The following FBRSL1 variants were observed in gnomAD, a reference collection of about 807,000 sequenced individuals.
FBRSL1 encodes fibrosin-1-like protein.
FBRSL1 carries 51 observed loss-of-function variants against 89.6 expected under a neutral mutation model. The ratio of observed to expected loss-of-function variants is 0.57; its 90% CI spans 0.45 to 0.72. The LOEUF is 0.72. Among genes scored for constraint, FBRSL1 ranks in the 30% least tolerant of loss-of-function variants. The pLI is 0.00. For synonymous variants in FBRSL1, 779 were observed against 681.1 expected, an observed-to-expected ratio of 1.14 and a Z score of -2.24; for missense variants, 1,618 against 1,451.8, an observed-to-expected ratio of 1.11 and a Z score of -1.86.
At chr12:132,507,083 A>G (rs2033777200) in intron 1 of FBRSL1, 1 of 524,220 alleles carries the variant, frequency 1.9e-6, no homozygotes, top group Admixed American at 6.4e-5. Context: ...AGGGACAGCC[A>G]AGGTCCTTCT....
chr12:132,514,655 G>A (rs556043273), intron 2 of FBRSL1, among the ~76,000 whole-genome samples: 26 of 152,144 alleles, frequency 1.7e-4, no homozygotes, highest in Non-Finnish European at 3.1e-4. Context: ...GATTTGGCAC[G>A]AAGCCTCTCC....
Position 132,536,657 on chromosome 12 carries a change from C to T in FBRSL1, c.615+8669C>T, listed in dbSNP as rs567831202. Among the ~76,000 whole-genome samples, 4 of 148,410 alleles carry T rather than the reference C, an allele frequency of 2.7e-5. No homozygotes were observed. In the South Asian group the frequency reaches 6.4e-4, roughly 24 times the overall value. ...ATGGTGTGAGTGCACGTGTACATGA[C>T]CTCATGCCATGTGTACATGACGTGT... On this transcript the variant is annotated intron_variant, in intron 4 of 18. Coordinates refer to ENST00000680143, the MANE Select transcript of FBRSL1 (RefSeq NM_001367871.1).
At chr12:132,561,462 A>G (rs1044335272) in intron 5 of FBRSL1, among the ~76,000 whole-genome samples, 42 of 152,048 alleles carry the variant, frequency 2.8e-4, no homozygotes, top group African/African-American at 1.0e-3. Context: ...GAAGGGCTCC[A>G]ACCTGTGGTT....
At chr12:132,525,333 G>T (rs1282092208) in intron 2 of FBRSL1, among the ~76,000 whole-genome samples, 1 of 152,178 alleles carries the variant, frequency 6.6e-6, no homozygotes. Flanking sequence ...CAGGGTGTGG[G>T]TGGAGGCCCT....
intron 15 of FBRSL1, among the ~76,000 whole-genome samples, chr12:132,580,094 A>T (rs2040641453): frequency 2.0e-5 from 3 of 151,734 alleles, no homozygotes; most frequent in Non-Finnish European, 4.4e-5. Flanking sequence ...TTTTATTTTA[A>T]TTTATTTATT....
In FBRSL1 at chr12:132,572,536, T is replaced by G. The variant is rs1238468280; in HGVS notation, c.1444T>G (p.Ser482Ala). 1.3e-6 allele frequency: 2 copies of G among 1,550,954 alleles called. No individual in the cohort carries two copies. The highest frequency in any genetic ancestry group is 4.9e-5 in the East Asian group (2 of 40,914). The change falls in exon 11 of 19, where the codon TCC becomes GCC. Residue 482 changes from serine to alanine, a missense_variant. Physicochemically the swap from Ser to Ala is moderately conservative, Grantham distance 99. Transcript: ENST00000680143. ...FRHSSVSFFPSFPPAIPGLPT... is the reference protein window; with the variant it reads ...FRHSSVSFFPAFPPAIPGLPT... Reference sequence around the variant, plus strand: ...TCTCCTTCTCTTACAGTTCTTCCCGTCCTTCCCTCCTGCCATCCCGGGACT... The same window carrying G: ...TCTCCTTCTCTTACAGTTCTTCCCGGCCTTCCCTCCTGCCATCCCGGGACT...
chr12:132,536,115 GAC>G (rs917461906), intron 4 of FBRSL1, among the ~76,000 whole-genome samples: 8 of 148,420 alleles, frequency 5.4e-5, no homozygotes, highest in Non-Finnish European at 1.0e-4. Context: ...ATGTGTACAT[GAC>G]AGTGTGCCAT....
intron 14 of FBRSL1, among the ~76,000 whole-genome samples, chr12:132,575,517 G>C (rs2040328590): frequency 6.6e-6 from 1 of 152,262 alleles, no homozygotes; most frequent in Admixed American, 6.5e-5. Context: ...GTGAGCCACT[G>C]TGCCCGGCCA....
At chr12:132,535,786 CATG>C (rs2036662060) in intron 4 of FBRSL1, among the ~76,000 whole-genome samples, 2 of 149,520 alleles carry the variant, frequency 1.3e-5, no homozygotes, top group African/African-American at 5.0e-5. Flanking sequence ...CACGTGTGTC[CATG>C]ATGGTGTGCG....
intron 1 of FBRSL1, among the ~76,000 whole-genome samples, chr12:132,502,435 G>A (rs1006521557): frequency 6.6e-6 from 1 of 152,190 alleles, no homozygotes; most frequent in African/African-American, 2.4e-5. Flanking sequence ...CCACAGCCAG[G>A]TGTGATCCGT....
intron 5 of FBRSL1, among the ~76,000 whole-genome samples, chr12:132,564,689 G>C (rs1452768008): frequency 2.1e-5 from 2 of 94,416 alleles, no homozygotes; most frequent in Non-Finnish European, 3.8e-5. Flanking sequence ...TAGAGACGGG[G>C]TTTCACCGTG....
chr12:132,513,313 T>C (rs573500972), intron 2 of FBRSL1, among the ~76,000 whole-genome samples: 140 of 151,992 alleles, frequency 9.2e-4, no homozygotes, highest in Non-Finnish European at 1.8e-3. Context: ...CTGGAAGGGG[T>C]TGGTACTCAG....
chr12:132,581,912 T>C (rs2040781160), intron 17 of FBRSL1, 88 bp downstream of exon 17: 2 of 1,353,758 alleles, frequency 1.5e-6, no homozygotes, highest in East Asian at 2.5e-5. Context: ...GATGCCTGGC[T>C]GACCTCCCTC....
chr12:132,582,357 C>A, intron 18 of FBRSL1, 91 bp downstream of exon 18: 1 of 1,058,260 alleles, frequency 9.4e-7, no homozygotes, highest in Non-Finnish European at 1.4e-6. Flanking sequence ...CTCCCCCGTT[C>A]CCTCTTCTCC....
In FBRSL1 at chr12:132,508,191, G is replaced by A. The variant is rs1409132276; in HGVS notation, c.330G>A (p.Lys110=). The A allele has an allele frequency of 6.4e-7, 1 of 1,551,258 alleles. No individual in the cohort carries two copies. Among genetic ancestry groups the A allele is most frequent in the South Asian group, 1.2e-5 (1 of 84,066 alleles). Residue 110 remains lysine (K), a synonymous_variant, in exon 2 of 19, where the codon AAG becomes AAA. Coordinates refer to ENST00000680143, the MANE Select transcript of FBRSL1 (RefSeq NM_001367871.1). ...MALKPHERKE[K]WERRLIKKPR... Reference sequence around the variant, plus strand: ...TGAAGCCACATGAGCGGAAGGAGAAGTGGGAGCGTCGTCTCATCAAGAAGC... The same window carrying A: ...TGAAGCCACATGAGCGGAAGGAGAAATGGGAGCGTCGTCTCATCAAGAAGC...
intron 5 of FBRSL1, among the ~76,000 whole-genome samples, chr12:132,549,866 G>A (rs2038002055): frequency 6.6e-6 from 1 of 152,244 alleles, no homozygotes; most frequent in Admixed American, 6.5e-5. Context: ...GGAGGCCGAG[G>A]GGTCCATGGG....
intron 5 of FBRSL1, among the ~76,000 whole-genome samples, chr12:132,557,106 T>A (rs540225577): frequency 6.6e-6 from 1 of 152,258 alleles, no homozygotes; most frequent in East Asian, 1.9e-4. Flanking sequence ...GCACTCCTGG[T>A]TAATGGTTGG....
intron 15 of FBRSL1, 172 bp from the exon 16 acceptor site, chr12:132,581,267 G>C: frequency 4.1e-6 from 4 of 985,326 alleles, no homozygotes; most frequent in Non-Finnish European, 4.8e-6. Flanking sequence ...CGAATTGTGG[G>C]GTAGATTCCA....
intron 5 of FBRSL1, among the ~76,000 whole-genome samples, chr12:132,566,842 G>T (rs1360359200): frequency 6.6e-6 from 1 of 152,066 alleles, no homozygotes; most frequent in Admixed American, 6.5e-5. Flanking sequence ...ACATAATGCA[G>T]TGTCCTGTGG....
Sources: allele counts gnomAD v4.1 joint callset (sites outside exome capture counted in the v4.1 genomes callset), GRCh38; gene constraint gnomAD v4.1.1; transcripts MANE v1.5; gene names NCBI Gene and HGNC (gene_info 2026-07-23, HGNC 2026-07-21).